C1orf185: variants seen among roughly 807,000 people sequenced by gnomAD.
C1orf185 encodes chromosome 1 open reading frame 185.
A neutral mutation model predicts 16.1 loss-of-function variants in C1orf185; 13 were observed. The observed-to-expected ratio is 0.81, with a 90% CI of 0.53 to 1.28. The LOEUF is 1.28. C1orf185 is among the 50% of genes most tolerant of loss of function. The pLI is 0.00. For missense variants in C1orf185, 220 were observed against 225.2 expected (o/e 0.98, Z 0.15); for synonymous variants, 80 against 76.9 (o/e 1.04, Z -0.21).
chr1:51,139,474 G>A (rs879904887), intron 3 of C1orf185, among the ~76,000 whole-genome samples: 8 of 152,180 alleles, frequency 5.3e-5, no homozygotes, highest in Non-Finnish European at 7.3e-5. Flanking sequence ...AAATGAAAAT[G>A]ATTGGGGAGG....
intron 3 of C1orf185, among the ~76,000 whole-genome samples, chr1:51,142,101 TTA>T (rs1169169738): frequency 6.6e-6 from 1 of 152,178 alleles, no homozygotes; most frequent in Admixed American, 6.5e-5. Flanking sequence ...TTTTTAGAGC[TTA>T]GTTTTCAAAT....
chr1:51,104,470 C>A (rs553953693), intron 1 of C1orf185, among the ~76,000 whole-genome samples: 2 of 152,110 alleles, frequency 1.3e-5, no homozygotes, highest in South Asian at 2.1e-4. Flanking sequence ...CAATTATAGA[C>A]ATAGAGTTGG....
intron 1 of C1orf185, among the ~76,000 whole-genome samples, chr1:51,104,318 C>T (rs1646054129): frequency 6.6e-6 from 1 of 152,038 alleles, no homozygotes; most frequent in Non-Finnish European, 1.5e-5. Context: ...GGAAACATTG[C>T]AAAAAATAAT....
downstream of C1orf185, among the ~76,000 whole-genome samples, chr1:51,148,432 T>A (rs182911638): frequency 3.6e-3 from 545 of 152,176 alleles, 1 homozygote; most frequent in Non-Finnish European, 4.4e-3. Context: ...CAGAAAAAAA[T>A]ATATATTTTT....
Position 51,143,351 on chromosome 1 carries a change from TG to T in C1orf185, c.259-2372del, listed in dbSNP as rs1646379111. Among the ~76,000 whole-genome samples the T allele has an allele frequency of 2.0e-5, 3 of 152,214 alleles. No homozygotes were observed. In the South Asian group the frequency reaches 6.2e-4, roughly 32 times the overall value. ...CAATTGTCATTTAGCTTTCTATGAA[TG>T]TAAGGAAGCAGCTGTCCCTTCTCTG... is the stretch of plus-strand genomic sequence containing the variant. On this transcript the variant is annotated intron_variant, in intron 3 of 4. Coordinates refer to ENST00000371759, the MANE Select transcript of C1orf185 (RefSeq NM_001136508.2).
chr1:51,110,017 TAA>T (rs1337351515), intron 1 of C1orf185, among the ~76,000 whole-genome samples: 1 of 152,190 alleles, frequency 6.6e-6, no homozygotes, highest in Non-Finnish European at 1.5e-5. Context: ...ACTGTTTTTC[TAA>T]AAATAAAAAT....
rs530072979 is a variant in C1orf185 at position 51,131,376 on chromosome 1, C to T, written c.258+12575C>T. On this transcript the variant is annotated intron_variant, in intron 3 of 4. Coordinates refer to ENST00000371759, the MANE Select transcript of C1orf185 (RefSeq NM_001136508.2). ...CCTGTCTATGGCAGTTCCTCTTCCT[C>T]CTCCTTTCTCCATTTTAGTCAGTGG... Among the ~76,000 whole-genome samples the T allele has an allele frequency of 1.7e-4, 26 of 152,354 alleles. 2 individuals carry two copies. In the South Asian group the frequency reaches 4.8e-3, roughly 28 times the overall value.
chr1:51,110,977 A>ACAAAAT (rs1212984935), intron 1 of C1orf185, among the ~76,000 whole-genome samples: 1 of 152,036 alleles, frequency 6.6e-6, no homozygotes, highest in Non-Finnish European at 1.5e-5. Flanking sequence ...AAAAACAAAA[A>ACAAAAT]CAAAAACAAA....
intron 3 of C1orf185, among the ~76,000 whole-genome samples, chr1:51,126,079 G>A (rs1414033814): frequency 6.6e-5 from 10 of 152,110 alleles, no homozygotes; most frequent in Admixed American, 6.5e-4. Flanking sequence ...TCTGCACGTG[G>A]TTAATTTTTC....
At chr1:51,141,244 C>T (rs1439105017) in intron 3 of C1orf185, among the ~76,000 whole-genome samples, 2 of 152,198 alleles carry the variant, frequency 1.3e-5, no homozygotes, top group Admixed American at 1.3e-4. Flanking sequence ...AACCCTCGTA[C>T]TTTGGGAGGC....
chr1:51,135,685 C>T (rs1053638249), intron 3 of C1orf185, among the ~76,000 whole-genome samples: 9 of 152,182 alleles, frequency 5.9e-5, no homozygotes, highest in African/African-American at 2.2e-4. Context: ...CTATGACAAA[C>T]CCATACCCAA....
At chr1:51,102,337 A>G (rs149511171) in intron 1 of C1orf185, 88 bp downstream of exon 1, 3 of 695,784 alleles carry the variant, frequency 4.3e-6, no homozygotes, top group South Asian at 3.1e-5. Flanking sequence ...ATCTATTTCT[A>G]TTCTCTGGAA....
At chr1:51,105,148 G>T (rs1365821364) in intron 1 of C1orf185, among the ~76,000 whole-genome samples, 1 of 151,752 alleles carries the variant, frequency 6.6e-6, no homozygotes, top group Non-Finnish European at 1.5e-5. Flanking sequence ...TTTGTTTTTA[G>T]TAGAGATGGG....
chr1:51,109,780 T>G (rs1646102467), intron 1 of C1orf185, among the ~76,000 whole-genome samples: 1 of 152,212 alleles, frequency 6.6e-6, no homozygotes, highest in Admixed American at 6.5e-5. Flanking sequence ...GCTATGCTGT[T>G]TTGGTTATTA....
chr1:51,149,700 C>T (rs1646420865), downstream of C1orf185, among the ~76,000 whole-genome samples: 1 of 152,126 alleles, frequency 6.6e-6, no homozygotes, highest in Non-Finnish European at 1.5e-5. Flanking sequence ...GGTTGCCATT[C>T]CTACCATGTG....
At chr1:51,134,082 A>G (rs925531129) in intron 3 of C1orf185, among the ~76,000 whole-genome samples, 6 of 152,192 alleles carry the variant, frequency 3.9e-5, no homozygotes, top group African/African-American at 1.4e-4. Context: ...ACTCTGTCAA[A>G]AAAAAAAGTA....
At chr1:51,135,654 C>T (rs1469169906) in intron 3 of C1orf185, among the ~76,000 whole-genome samples, 1 of 152,178 alleles carries the variant, frequency 6.6e-6, no homozygotes, top group Non-Finnish European at 1.5e-5. Context: ...AAGGAACATA[C>T]TTCAAAATAA....
At chr1:51,124,081 GTTTTT>G (rs893846873) in intron 3 of C1orf185, among the ~76,000 whole-genome samples, 2 of 113,590 alleles carry the variant, frequency 1.8e-5, no homozygotes, top group Non-Finnish European at 1.9e-5. Context: ...ACTGTAGTTT[GTTTTT>G]TTTTTTTTTT....
intron 3 of C1orf185, among the ~76,000 whole-genome samples, chr1:51,139,959 G>T (rs1646353455): frequency 6.6e-6 from 1 of 152,228 alleles, no homozygotes; most frequent in East Asian, 1.9e-4. Context: ...TGGAACCACA[G>T]TGTTGGCCCT....
Sources: gnomAD v4.1 joint callset for allele counts (sites outside exome capture counted in the v4.1 genomes callset) on GRCh38, gnomAD v4.1.1 for gene constraint, MANE v1.5 for transcripts, NCBI Gene and HGNC (gene_info 2026-07-23, HGNC 2026-07-21) for gene names.